The following MAP3K4 variants were observed in gnomAD, a reference collection of about 807,000 sequenced individuals.
MAP3K4 encodes mitogen-activated protein kinase kinase kinase 4.
A neutral mutation model predicts 185.6 loss-of-function variants in MAP3K4; 67 were observed. That is an observed-to-expected ratio of 0.36 (90% CI 0.30 to 0.44). The LOEUF (loss-of-function observed/expected upper bound fraction) is 0.44. Ranked by LOEUF, MAP3K4 falls within the 20% of genes least tolerant of loss-of-function variation. The probability of loss-of-function intolerance (pLI) is 1.00; values close to 1 mark genes in which losing one functional copy is unlikely to be tolerated. For missense variants in MAP3K4, 1,551 were observed against 1,995.1 expected (o/e 0.78, Z 4.24); for synonymous variants, 702 against 710.4 (o/e 0.99, Z 0.19).
rs999596946 is a variant in MAP3K4 at position 161,051,863 on chromosome 6, C to T, written c.1707+1884C>T. ...TTTTTTGTTTGTATTATTACTATTA[C>T]TGTTTTAGAGACAAGATCTCACTAC... is the stretch of plus-strand genomic sequence containing the variant. On this transcript the variant is annotated intron_variant, in intron 3 of 26. Coordinates refer to ENST00000392142, the MANE Select transcript of MAP3K4 (RefSeq NM_005922.4). The surrounding 1 kb of genome is among the most constrained non-coding windows in gnomAD (Gnocchi z 4.2). Among the ~76,000 whole-genome samples, 1 of 152,142 alleles carries T rather than the reference C, an allele frequency of 6.6e-6. No homozygotes were observed. The highest frequency in any genetic ancestry group is 2.4e-5 in the African/African-American group (1 of 41,440).
chr6:161,010,955 A>G (rs1229793528), intron 1 of MAP3K4, among the ~76,000 whole-genome samples: 1 of 152,206 alleles, frequency 6.6e-6, no homozygotes, highest in Non-Finnish European at 1.5e-5. Flanking sequence ...TAAGGCAGTC[A>G]CTGAAGAAAG....
rs749685721 is a variant in MAP3K4, at chr6:161,107,934, A to T, written c.4084A>T (p.Ser1362Cys). The change falls in exon 21 of 27, where the codon AGC becomes TGC. Residue 1362 changes from serine (S) to cysteine (C), a missense_variant. Physicochemically the swap from Ser to Cys is moderately radical, Grantham distance 112. This residue lies in a region of MAP3K4 where 159 missense variants were observed against 300.5 expected (regional missense o/e 0.53). Transcript: ENST00000392142. The surrounding 1 kb of genome is among the most constrained non-coding windows in gnomAD (Gnocchi z 6.2). ...GTATGGGAAGGTGTACACCTGCATC[A>T]GCGTCGACACCGGGGAGCTGATGGC... ...GQYGKVYTCISVDTGELMAMK... is the reference protein window; with the variant it reads ...GQYGKVYTCICVDTGELMAMK... 4 of 1,614,058 alleles carry T rather than the reference A, an allele frequency of 2.5e-6. No homozygotes were observed. The Admixed American group carries it at 6.7e-5, about 27-fold the overall frequency.
intron 13 of MAP3K4, among the ~76,000 whole-genome samples, chr6:161,092,764 C>T (rs1777384342): frequency 6.6e-6 from 1 of 152,190 alleles, no homozygotes; most frequent in South Asian, 2.1e-4. Flanking sequence ...AATCCTCTTC[C>T]ATGCTTCCCA....
At chr6:161,057,133 T>C (rs1052193296) in intron 3 of MAP3K4, among the ~76,000 whole-genome samples, 1 of 152,224 alleles carries the variant, frequency 6.6e-6, no homozygotes, top group Non-Finnish European at 1.5e-5. Context: ...GAAACGATCA[T>C]GTAGTTATTA....
rs1329827319 is a variant in MAP3K4, at chr6:161,116,170, C to T, written c.4807-680C>T. 6.6e-6 allele frequency among the ~76,000 whole-genome samples: 1 copy of T among 151,188 alleles called. No individual in the cohort carries two copies. Among genetic ancestry groups the T allele is most frequent in the Non-Finnish European group, 1.5e-5 (1 of 67,822 alleles). On this transcript the variant is annotated intron_variant, in intron 26 of 26. Transcript: ENST00000392142. The surrounding 1 kb of genome is among the most constrained non-coding windows in gnomAD (Gnocchi z 6.2). ...GGTTTGTGTCATCAGGTCACAGACT[C>T]TATTTGCCAGGGTAGGGAAAGAAGC...
chr6:161,108,865 C>T lies in MAP3K4; in HGVS notation c.4236+6C>T, dbSNP rs202222756. ...TTGGTGTGGAGCTCCATAGAGTAAG[C>T]CGACCCTAATGCCACTCTTTGTGTG... On this transcript the variant is annotated splice_donor_region_variant and intron_variant, in intron 22 of 26. Coordinates refer to ENST00000392142, the MANE Select transcript of MAP3K4 (RefSeq NM_005922.4). The surrounding 1 kb of genome is among the most constrained non-coding windows in gnomAD (Gnocchi z 5.7). The T allele has an allele frequency of 1.2e-6, 2 of 1,607,972 alleles. No homozygotes were observed. The highest frequency in any genetic ancestry group is 3.3e-5 in the Admixed American group (2 of 60,004).
intron 2 of MAP3K4, among the ~76,000 whole-genome samples, chr6:161,042,194 AGTGTAT>A (rs1783498951): frequency 6.6e-6 from 1 of 152,156 alleles, no homozygotes; most frequent in South Asian, 2.1e-4. Context: ...GCAGGATGTT[AGTGTAT>A]GTTTGAACAG....
chr6:161,110,365 A>C lies in MAP3K4; in HGVS notation c.4396+451A>C, dbSNP rs1583248430. ...TGAGACAAGAATGGGGTTTGTTTAC[A>C]CAAACCTTGAAATTGAGTTCTGCTG... is the stretch of plus-strand genomic sequence containing the variant. On this transcript the variant is annotated intron_variant, in intron 23 of 26. Transcript: ENST00000392142. The surrounding 1 kb of genome is among the most constrained non-coding windows in gnomAD (Gnocchi z 4.8). 6.6e-6 allele frequency among the ~76,000 whole-genome samples: 1 copy of C among 152,310 alleles called. No homozygotes were observed. The highest frequency in any genetic ancestry group is 1.9e-4 in the East Asian group (1 of 5,186).
In MAP3K4 at chr6:161,070,555, G is replaced by C; in HGVS notation, c.1708-53G>C. The C allele has an allele frequency of 6.5e-7, 1 of 1,546,348 alleles. No homozygotes were observed. Among genetic ancestry groups the C allele is most frequent in the South Asian group, 1.2e-5 (1 of 83,310 alleles). ...ATAAGAGTTTATAACCACAACCGTA[G>C]AACGTTGTCTCGTATGCTCTTTTAA... On this transcript the variant is annotated intron_variant, in intron 3 of 26. Transcript: ENST00000392142. The surrounding 1 kb of genome is among the most constrained non-coding windows in gnomAD (Gnocchi z 4.5).
In MAP3K4 at chr6:161,034,912, G is replaced by GCT. The variant is rs1336968537; in HGVS notation, c.343+468_343+469dup. ...CGGGGTGCTATCTTTAGTGTGTAGGGCTCTCTTTTTCATACTAAGCACAGT... is the reference window on the plus strand; with the variant it reads ...CGGGGTGCTATCTTTAGTGTGTAGGGCTCTCTCTTTTTCATACTAAGCACAGT... On this transcript the variant is annotated intron_variant, in intron 2 of 26. Transcript: ENST00000392142. This position sits in a 1 kb window ranked among gnomAD's most constrained non-coding sequence, Gnocchi z 4.4. Among the ~76,000 whole-genome samples, 1 of 152,022 alleles carries GCT rather than the reference G, an allele frequency of 6.6e-6. No individual in the cohort carries two copies. The highest frequency in any genetic ancestry group is 1.5e-5 in the Non-Finnish European group (1 of 68,006).
intron 2 of MAP3K4, among the ~76,000 whole-genome samples, chr6:161,040,649 A>C (rs1783409259): frequency 6.6e-6 from 1 of 152,254 alleles, no homozygotes; most frequent in Non-Finnish European, 1.5e-5. Context: ...AGTTGCACTC[A>C]AAGGATAAAG....
In MAP3K4 at chr6:161,049,973, A is replaced by C; in HGVS notation, c.1701A>C (p.Pro567=). The change falls in exon 3 of 27, where the codon CCA becomes CCC. Residue 567 remains proline, a synonymous_variant. Transcript: ENST00000392142. This position sits in a 1 kb window ranked among gnomAD's most constrained non-coding sequence, Gnocchi z 8.4. ...ARIALVKNDR[P]VEFSEFPDPM... ...TAGCATTGGTAAAGAACGATCGTCC[A>C]GTGGAGGTAGGTTTCCAGTAGGTAT... is the stretch of plus-strand genomic sequence containing the variant. 1 of 1,600,666 alleles carries C rather than the reference A, an allele frequency of 6.2e-7. No individual in the cohort carries two copies. The highest frequency in any genetic ancestry group is 1.1e-5 in the South Asian group (1 of 88,404).
rs1778140951 is a variant in MAP3K4, at chr6:161,107,575, C to T, written c.4049-324C>T. On this transcript the variant is annotated intron_variant, in intron 20 of 26. Transcript: ENST00000392142. The surrounding 1 kb of genome is among the most constrained non-coding windows in gnomAD (Gnocchi z 6.2). ...TGCTCCCAGCCCCAGCCAAGATCTC[C>T]TTGAGGGGTGTGAGGGCTCAGAGGT... Among the ~76,000 whole-genome samples, 1 of 152,128 alleles carries T rather than the reference C, an allele frequency of 6.6e-6. No homozygotes were observed. Among genetic ancestry groups the T allele is most frequent in the African/African-American group, 2.4e-5 (1 of 41,424 alleles).
In MAP3K4 at chr6:161,096,823, A is replaced by C; in HGVS notation, c.3428-257A>C. 1 of 374,544 alleles carries C rather than the reference A, an allele frequency of 2.7e-6. No homozygotes were observed. The highest frequency in any genetic ancestry group is 4.8e-6 in the Non-Finnish European group (1 of 206,492). The allele number at this position is 374,544 out of a possible 1,614,324, so 23.2% of individuals were successfully genotyped here. On this transcript the variant is annotated intron_variant, in intron 15 of 26. Transcript: ENST00000392142. The surrounding 1 kb of genome is among the most constrained non-coding windows in gnomAD (Gnocchi z 4.9). ...ATCATTTGTTTAGCTTACATTATGT[A>C]TGTTTTACTCCAGGATTTTTAAAAA... is the stretch of plus-strand genomic sequence containing the variant.
At chr6:161,041,510 G>C (rs1287914521) in intron 2 of MAP3K4, among the ~76,000 whole-genome samples, 1 of 152,242 alleles carries the variant, frequency 6.6e-6, no homozygotes, top group Non-Finnish European at 1.5e-5. Flanking sequence ...TAGGGGCTCA[G>C]CTGGTATGGG....
rs530332768 is a variant in MAP3K4, at chr6:161,037,482, G to A, written c.343+3033G>A. On this transcript the variant is annotated intron_variant, in intron 2 of 26. Transcript: ENST00000392142. This position sits in a 1 kb window ranked among gnomAD's most constrained non-coding sequence, Gnocchi z 4.2. ...TGCCCAGGCTGGAGTGCAGTGGCGC[G>A]ATCTCAGCTCACTGCAACCTCCGCC... is the stretch of plus-strand genomic sequence containing the variant. Among the ~76,000 whole-genome samples the A allele has an allele frequency of 1.8e-4, 28 of 152,176 alleles. No individual in the cohort carries two copies. The highest frequency in any genetic ancestry group is 4.2e-4 in the South Asian group (2 of 4,818).
chr6:161,097,380 C>T lies in MAP3K4; in HGVS notation c.3524+204C>T, dbSNP rs1373854265. Among the ~76,000 whole-genome samples the T allele has an allele frequency of 6.6e-6, 1 of 152,212 alleles. No homozygotes were observed. The highest frequency in any genetic ancestry group is 2.4e-5 in the African/African-American group (1 of 41,466). ...AAATTTAAAACAGACCTGTGCCTTTCAAGATAACTTCGTTTCTCAGCTTAT... is the reference window on the plus strand; with the variant it reads ...AAATTTAAAACAGACCTGTGCCTTTTAAGATAACTTCGTTTCTCAGCTTAT... On this transcript the variant is annotated intron_variant, in intron 16 of 26. Coordinates refer to ENST00000392142, the MANE Select transcript of MAP3K4 (RefSeq NM_005922.4). This position sits in a 1 kb window ranked among gnomAD's most constrained non-coding sequence, Gnocchi z 4.9.
intron 2 of MAP3K4, among the ~76,000 whole-genome samples, chr6:161,042,908 GCACACA>G (rs58595402): frequency 0.64 from 94,821 of 149,292 alleles, 30,906 homozygotes; most frequent in South Asian, 0.74. Flanking sequence ...ATGAGAATTT[GCACACA>G]CACACACACA....
chr6:160,992,183 A>AG (rs1183985897), intron 1 of MAP3K4, 100 bp downstream of exon 1: 3 of 1,381,930 alleles, frequency 2.2e-6, no homozygotes, highest in Non-Finnish European at 2.8e-6. Context: ...CCAGGTGGGG[A>AG]GGGAAGCATC....
Sources: gnomAD v4.1 joint callset for allele counts (sites outside exome capture counted in the v4.1 genomes callset) on GRCh38, gnomAD v4.1.1 for gene constraint, gnomAD v4.1.1 regional missense constraint, Gnocchi (gnomAD v3.1) non-coding constraint, MANE v1.5 for transcripts, NCBI Gene and HGNC (gene_info 2026-07-23, HGNC 2026-07-21) for gene names.